MMD: variants seen among roughly 807,000 people sequenced by gnomAD.
MMD encodes the protein monocyte to macrophage differentiation factor.
A neutral mutation model predicts 33.6 loss-of-function variants in MMD; 22 were observed. The ratio of observed to expected loss-of-function variants is 0.66; its 90% CI spans 0.47 to 0.94. The LOEUF is 0.94. Ranked by LOEUF, MMD falls within the 40% of genes least tolerant of loss-of-function variation. The pLI is 0.00. For missense variants in MMD, 242 were observed against 309.8 expected (o/e 0.78, Z 1.64); for synonymous variants, 97 against 103.2 (o/e 0.94, Z 0.36).
At chr17:55,409,217 C>T (rs1907671007) in intron 3 of MMD, among the ~76,000 whole-genome samples, 1 of 152,202 alleles carries the variant, frequency 6.6e-6, no homozygotes, top group Admixed American at 6.5e-5. Context: ...TCAAACTTGA[C>T]TGCATATCAT....
At chr17:55,415,410 G>A (rs1423485808) in intron 1 of MMD, among the ~76,000 whole-genome samples, 2 of 152,142 alleles carry the variant, frequency 1.3e-5, no homozygotes, top group African/African-American at 4.8e-5. Flanking sequence ...AAAGAAGTGT[G>A]AATGGGGGTT....
intron 4 of MMD, among the ~76,000 whole-genome samples, chr17:55,405,991 C>G (rs1431883246): frequency 6.6e-6 from 1 of 152,174 alleles, no homozygotes; most frequent in Admixed American, 6.5e-5. Context: ...AGGCAATGAA[C>G]AGGATACTAG....
intron 6 of MMD, among the ~76,000 whole-genome samples, chr17:55,400,716 A>G (rs1224945120): frequency 6.6e-6 from 1 of 152,218 alleles, no homozygotes; most frequent in Non-Finnish European, 1.5e-5. Context: ...GCAATATATA[A>G]GCTAAAGGGC....
chr17:55,417,016 C>G (rs919663085), intron 1 of MMD, among the ~76,000 whole-genome samples: 1 of 152,150 alleles, frequency 6.6e-6, no homozygotes, highest in African/African-American at 2.4e-5. Flanking sequence ...CTCTCCCATG[C>G]CATGACAGAA....
At position 55,421,684 on chromosome 17, in the gene MMD, C is replaced by A. The variant is rs1328402238; in HGVS notation, c.12G>T (p.Lys4Asn). MRF[K>N]NRFQRFMNHR... ...ATCCCTCTCACCGCTGGAATCGATTCTTGAACCGCATTGATCCTCTGCTCC... is the reference window on the plus strand; with the variant it reads ...ATCCCTCTCACCGCTGGAATCGATTATTGAACCGCATTGATCCTCTGCTCC... The change falls in exon 1 of 7, where the codon AAG (lysine) becomes AAT (asparagine). Residue 4 changes from lysine (K) to asparagine (N), a missense_variant. Coordinates refer to ENST00000262065, the MANE Select transcript of MMD (RefSeq NM_012329.3). 3.8e-6 allele frequency: 6 copies of A among 1,596,696 alleles called. No homozygotes were observed. The highest frequency in any genetic ancestry group is 2.7e-5 in the African/African-American group (2 of 73,488).
Position 55,421,761 on chromosome 17 carries a change from G to A in MMD, c.-66C>T, listed in dbSNP as rs1284320054. ...GTCAGCACCGGCGGCCGGGCGCGCG[G>A]CCCTCATGGGCTTGGGCTGCTCCGG... is the stretch of plus-strand genomic sequence containing the variant. On this transcript the variant is annotated 5_prime_UTR_variant, in exon 1 of 7. Transcript: ENST00000262065. 3 of 1,543,640 alleles carry A rather than the reference G, an allele frequency of 1.9e-6. No homozygotes were observed. Among genetic ancestry groups the A allele is most frequent in the African/African-American group, 1.4e-5 (1 of 71,108 alleles).
At chr17:55,401,385 G>T in intron 6 of MMD, 84 bp downstream of exon 6, 1 of 1,171,914 alleles carries the variant, frequency 8.5e-7, no homozygotes, top group Non-Finnish European at 1.2e-6. Flanking sequence ...ACTTTATAAA[G>T]AAAAGCTACA....
Position 55,411,277 on chromosome 17 carries a change from T to A in MMD, c.249A>T (p.Ser83=). 1 of 1,613,270 alleles carries A rather than the reference T, an allele frequency of 6.2e-7. No individual in the cohort carries two copies. The highest frequency in any genetic ancestry group is 2.2e-5 in the East Asian group (1 of 44,876). ...FIVSTVFHIV[S]WKKSHLRTVE... ...TGTACCTTAAGTGGCTCTTTTTCCA[T>A]GATACAATGTGAAATACTGTAGAAA... Residue 83 remains serine (S), a synonymous_variant, in exon 3 of 7, where the codon TCA becomes TCT. Coordinates refer to ENST00000262065, the MANE Select transcript of MMD (RefSeq NM_012329.3).
chr17:55,412,943 G>T (rs567996473), intron 2 of MMD, among the ~76,000 whole-genome samples: 24 of 152,274 alleles, frequency 1.6e-4, no homozygotes, highest in Non-Finnish European at 1.5e-5. Flanking sequence ...GACAATAGGG[G>T]TGTTTTGTCT....
intron 4 of MMD, among the ~76,000 whole-genome samples, chr17:55,407,318 A>ATAAATAAG (rs1198149734): frequency 2.5e-4 from 38 of 150,182 alleles, no homozygotes; most frequent in African/African-American, 7.5e-4. Context: ...AAATAAATAA[A>ATAAATAAG]TAAATAAATA....
In MMD at chr17:55,394,520, TC is replaced by T; in HGVS notation, c.530del (p.Gly177AspfsTer10). The T allele has an allele frequency of 6.6e-7, 1 of 1,512,692 alleles. No homozygotes were observed. The highest frequency in any genetic ancestry group is 8.8e-7 in the Non-Finnish European group (1 of 1,136,542). The allele number at this position is 1,512,692 out of a possible 1,614,324, so 93.7% of individuals were successfully genotyped here. On this transcript the variant is annotated frameshift_variant, in exon 7 of 7. Coordinates refer to ENST00000262065, the MANE Select transcript of MMD (RefSeq NM_012329.3). LOFTEE classifies it high-confidence loss of function. ...AGCCCCCACAGGCAAGTTCCTGAAGTCCATCGGTGTTGTTCTGTCAACAGAG... is the reference window on the plus strand; with the variant it reads ...AGCCCCCACAGGCAAGTTCCTGAAGTCATCGGTGTTGTTCTGTCAACAGAG... Reference protein sequence around the residue: ...LVVTSMNNTDGLQELACGGLI... With the variant: ...LVVTSMNNTDXLQELACGGLI...
At position 55,421,768 on chromosome 17, in the gene MMD, T is replaced by G; in HGVS notation, c.-73A>C. ...CCGGCGGCCGGGCGCGCGGCCCTCA[T>G]GGGCTTGGGCTGCTCCGGAGGCCGC... On this transcript the variant is annotated 5_prime_UTR_variant, in exon 1 of 7. The change abolishes an upstream ATG in the 5' untranslated region. Transcript: ENST00000262065. 2 of 1,495,036 alleles carry G rather than the reference T, an allele frequency of 1.3e-6. No individual in the cohort carries two copies. The highest frequency in any genetic ancestry group is 1.3e-5 in the South Asian group (1 of 79,114). 92.6% of individuals were successfully genotyped at this position (1,495,036 alleles called of 1,614,324 possible). A position where few individuals can be genotyped will look rare whatever the true frequency, so the allele number is the denominator to read the frequency against.
At position 55,403,711 on chromosome 17, in the gene MMD, GATA is replaced by G. The variant is rs1192961384; in HGVS notation, c.446+53_446+55del. Reference sequence around the variant, plus strand: ...TAAAAGTAAATTGTATTGCAGTGCAGATAATATTTAGGCAGTCAATTTTAAAAC... The same window carrying G: ...TAAAAGTAAATTGTATTGCAGTGCAGATATTTAGGCAGTCAATTTTAAAAC... On this transcript the variant is annotated intron_variant, in intron 5 of 6. Transcript: ENST00000262065. 5.1e-5 allele frequency: 66 copies of G among 1,283,544 alleles called. No homozygotes were observed. In the African/African-American group the frequency reaches 9.2e-4, roughly 18 times the overall value. 79.5% of individuals were successfully genotyped at this position (1,283,544 alleles called of 1,614,324 possible).
chr17:55,413,188 A>G (rs1043400330), intron 2 of MMD, among the ~76,000 whole-genome samples: 1 of 152,126 alleles, frequency 6.6e-6, no homozygotes, highest in African/African-American at 2.4e-5. Flanking sequence ...CAATATCTGA[A>G]CCATTGTATT....
At chr17:55,418,759 A>G (rs1908065796) in intron 1 of MMD, among the ~76,000 whole-genome samples, 1 of 152,230 alleles carries the variant, frequency 6.6e-6, no homozygotes, top group Non-Finnish European at 1.5e-5. Context: ...ACATGGGAAA[A>G]AAGACAATAG....
At chr17:55,400,145 T>C (rs548558537) in intron 6 of MMD, among the ~76,000 whole-genome samples, 1 of 152,322 alleles carries the variant, frequency 6.6e-6, no homozygotes, top group Non-Finnish European at 1.5e-5. Context: ...CAAAGAAATA[T>C]ATTTTGTTAT....
rs1906991440 is a variant in MMD at position 55,393,445 on chromosome 17, C to T, written c.*889G>A. ...ATACATAATGCTCTTCAGGAGTTTC[C>T]AGCAGATGGCCATCACAACAATACT... On this transcript the variant is annotated 3_prime_UTR_variant, in exon 7 of 7. Coordinates refer to ENST00000262065, the MANE Select transcript of MMD (RefSeq NM_012329.3). The T allele has an allele frequency of 6.6e-6, 1 of 152,518 alleles. No individual in the cohort carries two copies. The highest frequency in any genetic ancestry group is 6.5e-5 in the Admixed American group (1 of 15,268). 9.4% of individuals were successfully genotyped at this position (152,518 alleles called of 1,614,324 possible). A position where few individuals can be genotyped will look rare whatever the true frequency, so the allele number is the denominator to read the frequency against.
At chr17:55,396,365 T>C (rs1410665987) in intron 6 of MMD, among the ~76,000 whole-genome samples, 7 of 152,198 alleles carry the variant, frequency 4.6e-5, no homozygotes, top group Non-Finnish European at 7.3e-5. Flanking sequence ...GCCTTTTAGT[T>C]GGAGTGTTCA....
At chr17:55,421,331 A>C (rs868005945) in intron 1 of MMD, among the ~76,000 whole-genome samples, 5 of 152,108 alleles carry the variant, frequency 3.3e-5, no homozygotes, top group Non-Finnish European at 5.9e-5. Context: ...TCCCAGAGAG[A>C]GCCAGAGCCC....
Sources: gnomAD v4.1 joint callset for allele counts (sites outside exome capture counted in the v4.1 genomes callset) on GRCh38, gnomAD v4.1.1 for gene constraint, MANE v1.5 for transcripts, NCBI Gene and HGNC (gene_info 2026-07-23, HGNC 2026-07-21) for gene names.